The following KCND2 variants were observed in gnomAD, a reference collection of about 807,000 sequenced individuals.
The protein encoded by KCND2 is A-type voltage-gated potassium channel KCND2.
A neutral mutation model predicts 54.4 loss-of-function variants in KCND2; 16 were observed. That is an observed-to-expected ratio of 0.29 (90% CI 0.20 to 0.45). The LOEUF (loss-of-function observed/expected upper bound fraction) is 0.45. Ranked by LOEUF, KCND2 falls within the 20% of genes least tolerant of loss-of-function variation. The pLI is 1.00. For synonymous variants in KCND2, 317 were observed against 310.7 expected (o/e 1.02, Z -0.21); for missense variants, 486 against 824.2 (o/e 0.59, Z 5.02).
intron 1 of KCND2, among the ~76,000 whole-genome samples, chr7:120,342,640 A>G (rs146969086): frequency 2.2e-4 from 34 of 152,198 alleles, no homozygotes; most frequent in Non-Finnish European, 4.1e-4. Flanking sequence ...ATACTAAAGT[A>G]TTAATTTCTT....
intron 1 of KCND2, among the ~76,000 whole-genome samples, chr7:120,675,170 C>A (rs1044261687): frequency 3.3e-5 from 5 of 152,044 alleles, no homozygotes; most frequent in African/African-American, 1.2e-4. Context: ...CATACTACTG[C>A]GGCTTGCTAA....
intron 1 of KCND2, among the ~76,000 whole-genome samples, chr7:120,716,715 T>C (rs1025095024): frequency 3.3e-5 from 5 of 152,134 alleles, no homozygotes; most frequent in Admixed American, 3.3e-4. Flanking sequence ...CTTCTTTAAA[T>C]GTGACTGCTC....
intron 1 of KCND2, among the ~76,000 whole-genome samples, chr7:120,655,929 A>C (rs1334187507): frequency 1.3e-5 from 2 of 152,170 alleles, no homozygotes; most frequent in Non-Finnish European, 2.9e-5. Context: ...GTCAAAATTA[A>C]AGAAGAAAAG....
chr7:120,273,538 G>C lies in KCND2; in HGVS notation c.-1095G>C, dbSNP rs1325320246. 6.5e-6 allele frequency: 1 copy of C among 153,300 alleles called. No individual in the cohort carries two copies. The highest frequency in any genetic ancestry group is 2.4e-5 in the African/African-American group (1 of 41,458). The allele number at this position is 153,300 out of a possible 1,614,324, so 9.5% of individuals were successfully genotyped here. On this transcript the variant is annotated 5_prime_UTR_variant, in exon 1 of 6. Coordinates refer to ENST00000331113, the MANE Select transcript of KCND2 (RefSeq NM_012281.3). ...CGCCTCCCCCGCACCTTTTGAACTT[G>C]TTGCTGCTGCTCTGCTCGCCTGCGC... is the stretch of plus-strand genomic sequence containing the variant.
intron 1 of KCND2, among the ~76,000 whole-genome samples, chr7:120,563,448 T>A (rs1227709464): frequency 6.6e-6 from 1 of 152,172 alleles, no homozygotes; most frequent in African/African-American, 2.4e-5. Context: ...AGCTATCATC[T>A]AGATTTGAGT....
At chr7:120,436,647 A>G (rs781015825) in intron 1 of KCND2, among the ~76,000 whole-genome samples, 2 of 152,178 alleles carry the variant, frequency 1.3e-5, no homozygotes, top group African/African-American at 2.4e-5. Context: ...GTGGGGGGCC[A>G]TCTGGCCCTC....
chr7:120,616,158 G>T (rs1793021121), intron 1 of KCND2, among the ~76,000 whole-genome samples: 1 of 152,138 alleles, frequency 6.6e-6, no homozygotes, highest in African/African-American at 2.4e-5. Flanking sequence ...GATTTCACAG[G>T]CTTAAAATCA....
chr7:120,651,323 C>T (rs1173511075), intron 1 of KCND2, among the ~76,000 whole-genome samples: 1 of 150,590 alleles, frequency 6.6e-6, no homozygotes, highest in Non-Finnish European at 1.5e-5. Context: ...TGGTGGGTGC[C>T]CCTCCCCAAG....
chr7:120,745,656 T>C lies in KCND2; in HGVS notation c.1468-124T>C, dbSNP rs1792996694. On this transcript the variant is annotated intron_variant, in intron 4 of 5. Coordinates refer to ENST00000331113, the MANE Select transcript of KCND2 (RefSeq NM_012281.3). Reference sequence around the variant, plus strand: ...ATGTCAATCTTTATGAAAATGGTTTTATTTAACCATTGTATCAAGTCTAAC... The same window carrying C: ...ATGTCAATCTTTATGAAAATGGTTTCATTTAACCATTGTATCAAGTCTAAC... The C allele has an allele frequency of 1.2e-5, 12 of 991,980 alleles. No individual in the cohort carries two copies. The East Asian group carries it at 3.1e-4, about 26-fold the overall frequency. 61.4% of individuals were successfully genotyped at this position (991,980 alleles called of 1,614,324 possible). A position where few individuals can be genotyped will look rare whatever the true frequency, so the allele number is the denominator to read the frequency against.
intron 1 of KCND2, among the ~76,000 whole-genome samples, chr7:120,357,736 A>T (rs1396473935): frequency 1.3e-5 from 2 of 152,114 alleles, no homozygotes; most frequent in Admixed American, 1.3e-4. Flanking sequence ...TCCAAGATCA[A>T]AGCACCAGCT....
chr7:120,732,397 A>G (rs1792819090), intron 1 of KCND2, among the ~76,000 whole-genome samples: 1 of 152,218 alleles, frequency 6.6e-6, no homozygotes. Flanking sequence ...AATGGCCATT[A>G]GATTTCACAA....
intron 1 of KCND2, among the ~76,000 whole-genome samples, chr7:120,634,109 C>T (rs1033085621): frequency 1.3e-5 from 2 of 151,998 alleles, no homozygotes; most frequent in African/African-American, 4.8e-5. Context: ...TGATATTGAT[C>T]AAATCAATAA....
chr7:120,700,370 G>A (rs1792385436), intron 1 of KCND2, among the ~76,000 whole-genome samples: 1 of 152,200 alleles, frequency 6.6e-6, no homozygotes, highest in South Asian at 2.1e-4. Context: ...CTCCCCTGAA[G>A]TTGCCCCAGA....
intron 1 of KCND2, among the ~76,000 whole-genome samples, chr7:120,473,228 G>A (rs1802486231): frequency 6.6e-6 from 1 of 152,148 alleles, no homozygotes; most frequent in Admixed American, 6.5e-5. Context: ...AACTTTCATG[G>A]ATAAAAATAT....
intron 1 of KCND2, among the ~76,000 whole-genome samples, chr7:120,486,807 C>T (rs1307675489): frequency 6.6e-6 from 1 of 151,042 alleles, no homozygotes; most frequent in Admixed American, 6.6e-5. Context: ...TCCTTTTAAA[C>T]GTATGTGTAA....
At chr7:120,672,305 A>G (rs1334671117) in intron 1 of KCND2, among the ~76,000 whole-genome samples, 1 of 152,078 alleles carries the variant, frequency 6.6e-6, no homozygotes, top group Non-Finnish European at 1.5e-5. Context: ...CATTCACTCA[A>G]ACTCTAAAAT....
chr7:120,543,658 A>C (rs1195486853), intron 1 of KCND2, among the ~76,000 whole-genome samples: 1 of 152,084 alleles, frequency 6.6e-6, no homozygotes, highest in Non-Finnish European at 1.5e-5. Flanking sequence ...AGCTTTAAAA[A>C]ACAGAGACTA....
At chr7:120,277,190 A>G (rs1799188569) in intron 1 of KCND2, among the ~76,000 whole-genome samples, 3 of 152,092 alleles carry the variant, frequency 2.0e-5, no homozygotes, top group Admixed American at 2.0e-4. Context: ...ATTTAGTCTC[A>G]TTTTTTTAAA....
intron 1 of KCND2, among the ~76,000 whole-genome samples, chr7:120,482,227 G>A (rs1007744396): frequency 3.9e-5 from 6 of 152,052 alleles, no homozygotes; most frequent in Non-Finnish European, 8.8e-5. Context: ...TGCCCTTATC[G>A]CTGCTTGTCA....
Sources: allele counts gnomAD v4.1 joint callset (sites outside exome capture counted in the v4.1 genomes callset), GRCh38; gene constraint gnomAD v4.1.1; transcripts MANE v1.5; gene names NCBI Gene and HGNC (gene_info 2026-07-23, HGNC 2026-07-21).